Variants in PIBF1 observed in about 807,000 individuals in gnomAD.
PIBF1 encodes progesterone immunomodulatory binding factor 1.
A neutral mutation model predicts 112.5 loss-of-function variants in PIBF1; 90 were observed. That is an observed-to-expected ratio of 0.80 (90% CI 0.67 to 0.95). The LOEUF is 0.95. PIBF1 is among the 40% of genes least tolerant of loss of function. PIBF1 has a pLI of 0.00. For missense variants in PIBF1, 915 were observed against 852.3 expected (o/e 1.07, Z -0.92); for synonymous variants, 301 against 288.6 (o/e 1.04, Z -0.44).
At chr13:73,010,810 CTTTTTTTTTT>C (rs1176079981) in intron 17 of PIBF1, among the ~76,000 whole-genome samples, 789 of 40,384 alleles carry the variant, frequency 0.02, 12 homozygotes, top group Non-Finnish European at 0.029. Context: ...ATTAACTTTT[CTTTTTTTTTT>C]TTTTTTTTTT....
At chr13:72,952,689 T>A (rs2042334261) in intron 14 of PIBF1, among the ~76,000 whole-genome samples, 1 of 146,666 alleles carries the variant, frequency 6.8e-6, no homozygotes, top group African/African-American at 2.5e-5. Flanking sequence ...TTATGGTTTC[T>A]TAGCTAGCTT....
At chr13:72,995,671 G>T (rs1296601526) in intron 16 of PIBF1, among the ~76,000 whole-genome samples, 2 of 152,078 alleles carry the variant, frequency 1.3e-5, no homozygotes, top group Admixed American at 1.3e-4. Context: ...AAGAAAAGAG[G>T]CTGGGCACAG....
chr13:72,948,200 T>G (rs1470483757), intron 14 of PIBF1, among the ~76,000 whole-genome samples: 2 of 151,902 alleles, frequency 1.3e-5, no homozygotes, highest in African/African-American at 4.8e-5. Context: ...GTTCTGCACA[T>G]GTATCCCAAA....
chr13:72,962,200 G>T (rs1257442723), intron 14 of PIBF1, among the ~76,000 whole-genome samples: 2 of 152,126 alleles, frequency 1.3e-5, no homozygotes, highest in Admixed American at 1.3e-4. Flanking sequence ...CTAGAAAAAT[G>T]ATTCTGGTAT....
At chr13:72,806,215 C>T (rs1593931217) in intron 5 of PIBF1, among the ~76,000 whole-genome samples, 1 of 152,142 alleles carries the variant, frequency 6.6e-6, no homozygotes, top group African/African-American at 2.4e-5. Context: ...TCCCCTCCCC[C>T]AGTCATTGGT....
intron 14 of PIBF1, among the ~76,000 whole-genome samples, chr13:72,958,105 G>C (rs1314127457): frequency 3.3e-5 from 5 of 151,784 alleles, no homozygotes; most frequent in Admixed American, 3.3e-4. Context: ...GGGCAACAGA[G>C]TAAGACCTTG....
intron 16 of PIBF1, among the ~76,000 whole-genome samples, chr13:72,993,338 A>G (rs572045449): frequency 5.3e-5 from 8 of 152,142 alleles, no homozygotes; most frequent in African/African-American, 7.2e-5. Context: ...AAATAAAAAT[A>G]AAAATAAAAA....
chr13:72,893,240 T>C (rs2040130911), intron 10 of PIBF1, among the ~76,000 whole-genome samples: 2 of 152,292 alleles, frequency 1.3e-5, no homozygotes, highest in East Asian at 3.9e-4. Context: ...CTTATCTGAG[T>C]TGTAATAGCC....
chr13:72,871,766 C>A (rs1188245046), intron 10 of PIBF1, among the ~76,000 whole-genome samples: 1 of 152,182 alleles, frequency 6.6e-6, no homozygotes, highest in Non-Finnish European at 1.5e-5. Flanking sequence ...TATCAGAGTT[C>A]TACGCAAGAA....
intron 13 of PIBF1, among the ~76,000 whole-genome samples, chr13:72,920,822 A>G (rs1488769566): frequency 6.6e-6 from 1 of 152,154 alleles, no homozygotes; most frequent in African/African-American, 2.4e-5. Flanking sequence ...AGAAAAAAAA[A>G]ATCAGTGGAA....
chr13:72,877,357 C>T (rs980662113), intron 10 of PIBF1, among the ~76,000 whole-genome samples: 2 of 152,000 alleles, frequency 1.3e-5, no homozygotes, highest in East Asian at 1.9e-4. Flanking sequence ...CTTGTAATGT[C>T]GTTGTCTGGT....
intron 6 of PIBF1, among the ~76,000 whole-genome samples, chr13:72,825,449 A>G (rs955198185): frequency 1.8e-4 from 27 of 152,196 alleles, no homozygotes; most frequent in African/African-American, 6.0e-4. Flanking sequence ...CCCTTGACCA[A>G]CATGGGGTCC....
intron 10 of PIBF1, among the ~76,000 whole-genome samples, chr13:72,854,788 A>G (rs1203013930): frequency 3.3e-5 from 5 of 151,918 alleles, no homozygotes; most frequent in Admixed American, 3.3e-4. Context: ...TGGTAACACC[A>G]AAGTGATTCT....
intron 16 of PIBF1, among the ~76,000 whole-genome samples, chr13:72,993,721 G>A (rs552638424): frequency 6.7e-6 from 1 of 149,508 alleles, no homozygotes; most frequent in African/African-American, 2.5e-5. Context: ...ACTCTAGCCT[G>A]GGCGACAGAG....
Position 73,015,635 on chromosome 13 carries a change from A to G in PIBF1, c.2224-234A>G, listed in dbSNP as rs527449570. On this transcript the variant is annotated intron_variant, in intron 17 of 17. Transcript: ENST00000326291. ...ATAATTGCATCCCCAGAAAATCTTA[A>G]GTATAGGCTTTGAGCAAGAAAACAC... Among the ~76,000 whole-genome samples the G allele has an allele frequency of 3.9e-5, 6 of 152,334 alleles. No homozygotes were observed. In the South Asian group the frequency reaches 1.2e-3, roughly 32 times the overall value.
chr13:72,988,325 C>T (rs1030193571), intron 16 of PIBF1, among the ~76,000 whole-genome samples: 1 of 152,080 alleles, frequency 6.6e-6, no homozygotes, highest in Non-Finnish European at 1.5e-5. Context: ...CTCTTCCTCC[C>T]TCCAGACCTA....
chr13:72,816,468 C>G (rs540133252), intron 5 of PIBF1, among the ~76,000 whole-genome samples: 1 of 152,102 alleles, frequency 6.6e-6, no homozygotes, highest in African/African-American at 2.4e-5. Context: ...TTCAAGACTG[C>G]TCTGGACACC....
intron 9 of PIBF1, among the ~76,000 whole-genome samples, chr13:72,852,683 TG>T (rs2038221009): frequency 6.6e-6 from 1 of 152,230 alleles, no homozygotes; most frequent in Admixed American, 6.5e-5. Flanking sequence ...GATTGAGTAC[TG>T]GTACAGCAAA....
intron 10 of PIBF1, among the ~76,000 whole-genome samples, chr13:72,885,998 T>A (rs186435893): frequency 6.6e-6 from 1 of 152,288 alleles, no homozygotes; most frequent in East Asian, 1.9e-4. Flanking sequence ...GGCTTCCCTA[T>A]TGTTAGGAAG....
Sources: gnomAD v4.1 joint callset for allele counts (sites outside exome capture counted in the v4.1 genomes callset) on GRCh38, gnomAD v4.1.1 for gene constraint, MANE v1.5 for transcripts, NCBI Gene and HGNC (gene_info 2026-07-23, HGNC 2026-07-21) for gene names.